The following ARID1B variants were observed in gnomAD, a reference collection of about 807,000 sequenced individuals.
ARID1B encodes the protein AT-rich interactive domain-containing protein 1B.
In ARID1B, 30 loss-of-function variants were observed where a neutral mutation model predicts 212.3. That is an observed-to-expected ratio of 0.14 (90% CI 0.11 to 0.19). ARID1B has a LOEUF of 0.19. Among genes scored for constraint, ARID1B ranks in the 10% least tolerant of loss-of-function variants. The pLI is 1.00. For missense variants in ARID1B, 2,891 were observed against 3,204.0 expected (o/e 0.90, Z 2.36); for synonymous variants, 1,402 against 1,301.7 (o/e 1.08, Z -1.66).
At position 156,807,018 on chromosome 6, in the gene ARID1B, T is replaced by C. The variant is rs1781209413; in HGVS notation, c.1792-22209T>C. ...AACCATTTAAAAATGTAAAACATAT[T>C]CTTAGCTTATGGGTCCTACAAAAAC... On this transcript the variant is annotated intron_variant, in intron 1 of 19. Transcript: ENST00000636930. Among the ~76,000 whole-genome samples the C allele has an allele frequency of 2.6e-5, 4 of 152,310 alleles. No homozygotes were observed. The South Asian group carries it at 8.3e-4, about 32-fold the overall frequency.
Position 157,196,166 on chromosome 6 carries a change from G to A in ARID1B, c.4233G>A (p.Val1411=). 6.2e-7 allele frequency: 1 copy of A among 1,612,412 alleles called. No individual in the cohort carries two copies. Among genetic ancestry groups the A allele is most frequent in the South Asian group, 1.1e-5 (1 of 90,570 alleles). ...NKDPFGGMRK[V]PGSSEPFMTQ... ...TGCATTTTATTTAAAATATTGCAGTGCCTGGAAGCAGCGAGCCCTTTATGA... is the reference window on the plus strand; with the variant it reads ...TGCATTTTATTTAAAATATTGCAGTACCTGGAAGCAGCGAGCCCTTTATGA... The change falls in exon 16 of 20, where the codon GTG becomes GTA. Residue 1411 remains valine (V), a splice_region_variant and synonymous_variant. Transcript: ENST00000636930.
At chr6:157,072,471 A>G (rs930165662) in intron 4 of ARID1B, 4 of 152,246 alleles carry the variant, frequency 2.6e-5, no homozygotes, top group Admixed American at 2.6e-4. Flanking sequence ...TTGTATGTAT[A>G]AATAAGCCTG....
chr6:156,985,257 A>G (rs895051413), intron 4 of ARID1B: 4 of 152,186 alleles, frequency 2.6e-5, no homozygotes, highest in African/African-American at 9.7e-5. Flanking sequence ...GAAATTGATA[A>G]TACTTTTTGG....
intron 2 of ARID1B, among the ~76,000 whole-genome samples, chr6:156,835,801 G>A (rs934142930): frequency 6.6e-6 from 1 of 152,094 alleles, no homozygotes; most frequent in South Asian, 2.1e-4. Flanking sequence ...GAGTGCAGTG[G>A]CATGAACATG....
chr6:157,110,654 ATT>A, intron 6 of ARID1B, 93 bp downstream of exon 6: 2 of 1,170,884 alleles, frequency 1.7e-6, no homozygotes, highest in Non-Finnish European at 2.5e-6. Flanking sequence ...CTTATCATTA[ATT>A]TTTTTAAAGG....
intron 4 of ARID1B, among the ~76,000 whole-genome samples, chr6:157,044,390 CTG>C (rs1225124790): frequency 6.6e-6 from 1 of 152,118 alleles, no homozygotes; most frequent in Non-Finnish European, 1.5e-5. Context: ...ATGAAAGTAT[CTG>C]TATTTCACTT....
intron 2 of ARID1B, among the ~76,000 whole-genome samples, chr6:156,896,349 G>A (rs1485596961): frequency 6.6e-6 from 1 of 152,074 alleles, no homozygotes; most frequent in Non-Finnish European, 1.5e-5. Flanking sequence ...GCCCAAGGCA[G>A]GTGGATCACC....
intron 4 of ARID1B, among the ~76,000 whole-genome samples, chr6:157,030,104 G>A (rs1282708792): frequency 6.6e-6 from 1 of 152,198 alleles, no homozygotes; most frequent in African/African-American, 2.4e-5. Flanking sequence ...GCTGGGCTCA[G>A]CTGGGTGGTT....
chr6:157,115,748 A>G (rs979841311), intron 6 of ARID1B, among the ~76,000 whole-genome samples: 4 of 152,074 alleles, frequency 2.6e-5, no homozygotes, highest in Non-Finnish European at 4.4e-5. Flanking sequence ...TAACTAAATA[A>G]AGAAAATTAG....
rs1329932861 is a variant in ARID1B at position 157,201,374 on chromosome 6, G to A, written c.5149G>A (p.Gly1717Arg). The A allele has an allele frequency of 5.0e-6, 8 of 1,608,380 alleles. No individual in the cohort carries two copies. Among genetic ancestry groups the A allele is most frequent in the African/African-American group, 1.3e-5 (1 of 74,816 alleles). Residue 1717 changes from glycine (G) to arginine (R), a missense_variant, in exon 18 of 20, where the codon GGG becomes AGG. Coordinates refer to ENST00000636930, the MANE Select transcript of ARID1B (RefSeq NM_001374828.1). This position sits in a 1 kb window ranked among gnomAD's most constrained non-coding sequence, Gnocchi z 5.2. ...MPTVPTSQVT[G>R]PPPQPPPIRR... ...CACGGTCCCCACATCCCAGGTCACC[G>A]GGCCACCACCCCAACCACCCCCAAT...
rs112323528 is a variant in ARID1B, at chr6:157,205,722, C to T, written c.5395-445C>T. ...CTAAGAATAACAACCATAAAAATCC[C>T]GGCAAGCAAGTCTCAGATAAATAAT... is the stretch of plus-strand genomic sequence containing the variant. On this transcript the variant is annotated intron_variant, in intron 19 of 19. Transcript: ENST00000636930. 4.1e-3 allele frequency: 639 copies of T among 157,034 alleles called. 7 individuals carry two copies. The highest frequency in any genetic ancestry group is 0.015 in the African/African-American group (613 of 41,500). The allele number at this position is 157,034 out of a possible 1,614,324, so 9.7% of individuals were successfully genotyped here. A position where few individuals can be genotyped will look rare whatever the true frequency, so the allele number is the denominator to read the frequency against.
At chr6:157,047,326 C>T (rs141486433) in intron 4 of ARID1B, among the ~76,000 whole-genome samples, 4 of 152,234 alleles carry the variant, frequency 2.6e-5, no homozygotes, top group African/African-American at 7.2e-5. Context: ...GAAGGTGTGA[C>T]GTTTCCAGAA....
chr6:156,997,089 A>G (rs1254378875), intron 4 of ARID1B, among the ~76,000 whole-genome samples: 3 of 152,186 alleles, frequency 2.0e-5, no homozygotes, highest in African/African-American at 7.2e-5. Flanking sequence ...TTTTAAACAT[A>G]TTATTTTCAC....
intron 3 of ARID1B, among the ~76,000 whole-genome samples, chr6:156,923,773 C>T (rs866883489): frequency 1.3e-5 from 2 of 150,878 alleles, no homozygotes; most frequent in African/African-American, 2.4e-5. Flanking sequence ...GGTACAATCT[C>T]GGCTCACTGC....
At chr6:157,112,577 T>C (rs1300525598) in intron 6 of ARID1B, among the ~76,000 whole-genome samples, 1 of 152,190 alleles carries the variant, frequency 6.6e-6, no homozygotes, top group African/African-American at 2.4e-5. Flanking sequence ...AGTCTTAAAA[T>C]TTTAACCTTT....
At chr6:157,086,597 C>T (rs1459653704) in intron 5 of ARID1B, among the ~76,000 whole-genome samples, 1 of 152,156 alleles carries the variant, frequency 6.6e-6, no homozygotes, top group Non-Finnish European at 1.5e-5. Flanking sequence ...ATTTTAAATT[C>T]CTGACATGAG....
intron 2 of ARID1B, among the ~76,000 whole-genome samples, chr6:156,831,585 A>G (rs1269341340): frequency 3.3e-5 from 5 of 152,178 alleles, no homozygotes; most frequent in African/African-American, 1.2e-4. Context: ...GTTTTTAATT[A>G]TTTTCTTTTC....
At chr6:157,007,419 G>A (rs1184294616) in intron 4 of ARID1B, among the ~76,000 whole-genome samples, 1 of 152,086 alleles carries the variant, frequency 6.6e-6, no homozygotes, top group Non-Finnish European at 1.5e-5. Flanking sequence ...CCAGACTAGG[G>A]TCAACGATTT....
chr6:157,095,635 C>T (rs893692914), intron 5 of ARID1B, among the ~76,000 whole-genome samples: 8 of 152,120 alleles, frequency 5.3e-5, no homozygotes, highest in Non-Finnish European at 7.4e-5. Flanking sequence ...GTGTTAAGGG[C>T]GGCATAGTGC....
Sources: gnomAD v4.1 joint callset for allele counts (sites outside exome capture counted in the v4.1 genomes callset) on GRCh38, gnomAD v4.1.1 for gene constraint, Gnocchi (gnomAD v3.1) non-coding constraint, MANE v1.5 for transcripts, NCBI Gene and HGNC (gene_info 2026-07-23, HGNC 2026-07-21) for gene names.